Variants in SPIN1 observed in about 807,000 individuals in gnomAD.
The protein encoded by SPIN1 is spindlin-1.
In SPIN1, 3 loss-of-function variants were observed where a neutral mutation model predicts 26.0. That is an observed-to-expected ratio of 0.12 (90% CI 0.05 to 0.30). SPIN1 has a LOEUF of 0.30. Among genes scored for constraint, SPIN1 ranks in the 10% least tolerant of loss-of-function variants. The pLI is 1.00. For missense variants in SPIN1, 126 were observed against 333.4 expected (o/e 0.38, Z 4.84); for synonymous variants, 101 against 116.5 (o/e 0.87, Z 0.86).
At chr9:88,452,046 A>G (rs1828364160) in intron 3 of SPIN1, among the ~76,000 whole-genome samples, 1 of 152,214 alleles carries the variant, frequency 6.6e-6, no homozygotes. Flanking sequence ...ATTTTTCACT[A>G]ACTTAGAAAG....
chr9:88,451,111 A>AT (rs890410210), intron 3 of SPIN1, among the ~76,000 whole-genome samples: 12 of 143,332 alleles, frequency 8.4e-5, no homozygotes, highest in African/African-American at 3.1e-4. Context: ...GAAACCAAAT[A>AT]TAAAAAAAAA....
intron 5 of SPIN1, among the ~76,000 whole-genome samples, chr9:88,470,305 G>T (rs1828753516): frequency 6.6e-6 from 1 of 152,178 alleles, no homozygotes; most frequent in Admixed American, 6.5e-5. Flanking sequence ...GTGTGGACAT[G>T]TTTTATTTCC....
chr9:88,423,767 A>C (rs1214402890), intron 1 of SPIN1, among the ~76,000 whole-genome samples: 2 of 122,882 alleles, frequency 1.6e-5, no homozygotes, highest in South Asian at 2.6e-4. Context: ...GATCTTCTTT[A>C]TTTATTGTAC....
At chr9:88,465,589 A>G (rs1041141929) in intron 4 of SPIN1, among the ~76,000 whole-genome samples, 4 of 152,312 alleles carry the variant, frequency 2.6e-5, no homozygotes, top group Non-Finnish European at 4.4e-5. Flanking sequence ...CCACTTGTAA[A>G]TCATCTTTGG....
At chr9:88,410,281 A>G (rs1827413713) in intron 1 of SPIN1, among the ~76,000 whole-genome samples, 2 of 152,068 alleles carry the variant, frequency 1.3e-5, no homozygotes, top group African/African-American at 2.4e-5. Flanking sequence ...AAAAATCTAC[A>G]TTAAAACCTT....
intron 1 of SPIN1, among the ~76,000 whole-genome samples, chr9:88,390,853 A>G (rs1025926756): frequency 1.3e-5 from 2 of 152,150 alleles, no homozygotes; most frequent in Non-Finnish European, 2.9e-5. Context: ...TTTTAAAAAA[A>G]GTTTTTTTTT....
At chr9:88,388,803 C>T (rs1721862337) in intron 1 of SPIN1, among the ~76,000 whole-genome samples, 2 of 150,592 alleles carry the variant, frequency 1.3e-5, no homozygotes, top group Non-Finnish European at 3.0e-5. Context: ...CCCCGCCGCC[C>T]CCCGCCAACA....
At chr9:88,411,084 G>T in intron 1 of SPIN1, 1 of 1,543,594 alleles carries the variant, frequency 6.5e-7, no homozygotes, top group African/African-American at 1.4e-5. Context: ...TTTCAGAACT[G>T]TTTAAAATAA....
chr9:88,474,797 G>A (rs7048263), intron 5 of SPIN1, among the ~76,000 whole-genome samples: 35,642 of 151,980 alleles, frequency 0.23, 6,662 homozygotes, highest in African/African-American at 0.52. Context: ...TTGGAACACA[G>A]CCACATCTGT....
intron 1 of SPIN1, among the ~76,000 whole-genome samples, chr9:88,390,137 A>C (rs1826887395): frequency 6.6e-6 from 1 of 152,192 alleles, no homozygotes; most frequent in Non-Finnish European, 1.5e-5. Context: ...AATGGTTATG[A>C]ACTGGGTCAA....
At chr9:88,462,376 A>C (rs142360926) in intron 3 of SPIN1, 120 bp from the exon 4 acceptor site, 2 of 1,383,000 alleles carry the variant, frequency 1.4e-6, no homozygotes, top group Admixed American at 2.3e-5. Context: ...TGTGGCAAAC[A>C]TGAGTTTGTA....
chr9:88,407,132 C>CT (rs1227196346), intron 1 of SPIN1, among the ~76,000 whole-genome samples: 1 of 124,352 alleles, frequency 8.0e-6, no homozygotes, highest in South Asian at 2.4e-4. Context: ...ATTGATCTTC[C>CT]TTTAAAAAAA....
intron 1 of SPIN1, among the ~76,000 whole-genome samples, chr9:88,405,834 A>G (rs1827290173): frequency 6.6e-6 from 1 of 150,842 alleles, no homozygotes; most frequent in Admixed American, 6.6e-5. Flanking sequence ...TAGCTCCATT[A>G]TAATTTTTTT....
In SPIN1 at chr9:88,441,414, T is replaced by TGTGTGTGTGTGTGTGTGTGTGC; in HGVS notation, c.53-7526_53-7525insTGTGTGTGTGTGTGTGTGTGCG. The stretch of plus-strand genomic sequence containing the variant: ...GCTGCCATTCGTGTGTGTGTGTGTG[T>TGTGTGTGTGTGTGTGTGTGTGC]GCGCGCGCGCGCGCCCATGTGTGTG... On this transcript the variant is annotated intron_variant, in intron 2 of 5. Transcript: ENST00000375859. 1.2e-3 allele frequency among the ~76,000 whole-genome samples: 163 copies of TGTGTGTGTGTGTGTGTGTGTGC among 141,254 alleles called. 4 individuals are homozygous for TGTGTGTGTGTGTGTGTGTGTGC. The highest frequency in any genetic ancestry group is 4.1e-3 in the African/African-American group (141 of 34,380). 92.7% of individuals were successfully genotyped at this position (141,254 alleles called of 152,430 possible). A position where few individuals can be genotyped will look rare whatever the true frequency, so the allele number is the denominator to read the frequency against.
At chr9:88,456,072 A>T (rs1339516644) in intron 3 of SPIN1, among the ~76,000 whole-genome samples, 1 of 152,182 alleles carries the variant, frequency 6.6e-6, no homozygotes, top group Non-Finnish European at 1.5e-5. Context: ...TGTTAGCAAT[A>T]TCTTTGTGCA....
At chr9:88,445,147 A>G (rs925629548) in intron 2 of SPIN1, among the ~76,000 whole-genome samples, 4 of 152,194 alleles carry the variant, frequency 2.6e-5, no homozygotes, top group African/African-American at 7.2e-5. Flanking sequence ...TTGGGGATTG[A>G]AAAGGGTTCT....
chr9:88,399,582 G>A (rs964520289), intron 1 of SPIN1, among the ~76,000 whole-genome samples: 2 of 152,108 alleles, frequency 1.3e-5, no homozygotes, highest in Non-Finnish European at 2.9e-5. Context: ...GAGCCCAGAG[G>A]AAGGTGGAGT....
At chr9:88,432,601 A>G (rs1443860576) in intron 2 of SPIN1, among the ~76,000 whole-genome samples, 2 of 151,148 alleles carry the variant, frequency 1.3e-5, no homozygotes, top group Non-Finnish European at 2.9e-5. Flanking sequence ...CTCCTGCCTC[A>G]GCCTCTGGAG....
At chr9:88,432,657 C>T (rs1340957645) in intron 2 of SPIN1, among the ~76,000 whole-genome samples, 7 of 148,458 alleles carry the variant, frequency 4.7e-5, no homozygotes, top group African/African-American at 1.7e-4. Context: ...CTAATTTTTT[C>T]TTTTTTCTTT....
Sources: allele counts gnomAD v4.1 joint callset (sites outside exome capture counted in the v4.1 genomes callset), GRCh38; gene constraint gnomAD v4.1.1; transcripts MANE v1.5; gene names NCBI Gene and HGNC (gene_info 2026-07-23, HGNC 2026-07-21).